The following USP45 variants were observed in gnomAD, a reference collection of about 807,000 sequenced individuals.
USP45 encodes ubiquitin carboxyl-terminal hydrolase 45.
In USP45, 89 loss-of-function variants were observed where a neutral mutation model predicts 95.8. The ratio of observed to expected loss-of-function variants is 0.93; its 90% CI spans 0.78 to 1.11. The LOEUF (loss-of-function observed/expected upper bound fraction) is 1.11, where lower values mean the gene tolerates loss of function less well. USP45 is among the 50% of genes least tolerant of loss of function. USP45 has a pLI of 0.00. For synonymous variants in USP45, 281 were observed against 316.2 expected (o/e 0.89, Z 1.18); for missense variants, 898 against 942.5 (o/e 0.95, Z 0.62).
chr6:99,511,488 G>T (rs929002645), intron 1 of USP45, among the ~76,000 whole-genome samples: 2 of 151,332 alleles, frequency 1.3e-5, no homozygotes, highest in Admixed American at 1.3e-4. Context: ...CACTCTGATG[G>T]CCCAGGCTGG....
At chr6:99,470,290 G>A (rs952212713) in intron 9 of USP45, among the ~76,000 whole-genome samples, 1 of 152,142 alleles carries the variant, frequency 6.6e-6, no homozygotes, top group Non-Finnish European at 1.5e-5. Flanking sequence ...GCCTGGATAA[G>A]CAGAAGACAC....
intron 17 of USP45, 87 bp downstream of exon 17, chr6:99,437,159 A>T: frequency 7.6e-7 from 1 of 1,309,586 alleles, no homozygotes; most frequent in Non-Finnish European, 1.1e-6. Flanking sequence ...CACTAGAGGC[A>T]TCTATGAAAT....
chr6:99,480,003 C>A (rs2128696685), intron 8 of USP45, among the ~76,000 whole-genome samples: 1 of 152,142 alleles, frequency 6.6e-6, no homozygotes, highest in East Asian at 1.9e-4. Context: ...ATAGGAAATA[C>A]CAACGAATCA....
chr6:99,437,197 G>A (rs2128521952), intron 17 of USP45, 49 bp downstream of exon 17: 1 of 1,543,734 alleles, frequency 6.5e-7, no homozygotes, highest in Non-Finnish European at 8.7e-7. Flanking sequence ...AGAAAAGGAA[G>A]CACATATTCG....
At chr6:99,504,808 G>A (rs1335185189) in intron 4 of USP45, among the ~76,000 whole-genome samples, 1 of 152,178 alleles carries the variant, frequency 6.6e-6, no homozygotes, top group Non-Finnish European at 1.5e-5. Context: ...ATTTAAGTGG[G>A]TAGAGGCCAG....
rs1205916983 is a variant in USP45 at position 99,482,827 on chromosome 6, C to T, written c.771G>A (p.Leu257=). The T allele has an allele frequency of 2.5e-6, 4 of 1,606,926 alleles. No individual in the cohort carries two copies. Among genetic ancestry groups the T allele is most frequent in the Non-Finnish European group, 3.4e-6 (4 of 1,176,264 alleles). Residue 257 remains leucine, a synonymous_variant, in exon 8 of 18, where the codon CTG becomes CTA. Transcript: ENST00000500704. The stretch of plus-strand genomic sequence containing the variant: ...CAGTCTCCTTCATGCTGTGAAGAAA[C>T]AGGAACAAGGCTGAGGTCAGTGGTC... ...RPGPLTSALF[L]FLHSMKETEK...
intron 1 of USP45, among the ~76,000 whole-genome samples, chr6:99,513,203 C>T (rs1309616081): frequency 6.6e-6 from 1 of 152,180 alleles, no homozygotes; most frequent in Non-Finnish European, 1.5e-5. Flanking sequence ...CCTAGATGAA[C>T]CCAATTAACC....
intron 13 of USP45, among the ~76,000 whole-genome samples, chr6:99,450,627 C>T (rs1464485478): frequency 6.6e-6 from 1 of 152,168 alleles, no homozygotes; most frequent in African/African-American, 2.4e-5. Flanking sequence ...TGGTACCATT[C>T]CTTCTGAAAC....
chr6:99,478,862 C>T (rs896983702), intron 8 of USP45, among the ~76,000 whole-genome samples: 1 of 152,112 alleles, frequency 6.6e-6, no homozygotes, highest in Admixed American at 6.5e-5. Context: ...ACCACTATAA[C>T]AGAAACTTCA....
chr6:99,449,119 G>A (rs570802736), intron 13 of USP45, among the ~76,000 whole-genome samples: 19 of 142,408 alleles, frequency 1.3e-4, no homozygotes, highest in African/African-American at 4.4e-4. Flanking sequence ...ATCAACTAAC[G>A]AGCAAAATAA....
chr6:99,503,409 C>A (rs563761139), intron 5 of USP45, among the ~76,000 whole-genome samples: 4 of 152,052 alleles, frequency 2.6e-5, no homozygotes, highest in African/African-American at 9.6e-5. Flanking sequence ...TCACTGCAAC[C>A]TCCGCCTCCC....
In USP45 at chr6:99,514,037, T is replaced by C. The variant is rs370231395; in HGVS notation, c.-11+1355A>G. 7.0e-4 allele frequency among the ~76,000 whole-genome samples: 106 copies of C among 152,296 alleles called. 1 individual carries two copies. The highest frequency in any genetic ancestry group is 2.3e-3 in the African/African-American group (97 of 41,572). On this transcript the variant is annotated intron_variant, in intron 1 of 17. Coordinates refer to ENST00000500704, the MANE Select transcript of USP45 (RefSeq NM_001346022.3). ...CGTAAAAAAACGGCACTTATATCCC[T>C]TACCTTTATACAAATTTACAAAACT...
intron 4 of USP45, among the ~76,000 whole-genome samples, chr6:99,504,973 A>AAAC (rs35062035): frequency 0.048 from 7,324 of 152,230 alleles, 231 homozygotes; most frequent in East Asian, 0.14. Context: ...AAAGCTGGAA[A>AAAC]AACAACAACA....
At position 99,465,266 on chromosome 6, in the gene USP45, T is replaced by C. The variant is rs146617470; in HGVS notation, c.1108-130A>G. 182 of 620,912 alleles carry C rather than the reference T, an allele frequency of 2.9e-4. 2 individuals are homozygous for C. The highest frequency in any genetic ancestry group is 2.7e-3 in the African/African-American group (147 of 54,842). 38.5% of individuals were successfully genotyped at this position (620,912 alleles called of 1,614,324 possible). ...CGTTAAAAACTGTTCCTGAAAAAAA[T>C]AGCAATTTAATTGGGTATTGCAGCA... is the stretch of plus-strand genomic sequence containing the variant. On this transcript the variant is annotated intron_variant, in intron 11 of 17. Transcript: ENST00000500704.
At chr6:99,462,195 A>G in intron 13 of USP45, 1 of 975,822 alleles carries the variant, frequency 1.0e-6, no homozygotes, top group South Asian at 4.7e-5. Context: ...AACAAAAAAT[A>G]TTATATGAAA....
At chr6:99,441,823 A>G (rs1253793587) in intron 15 of USP45, among the ~76,000 whole-genome samples, 1 of 152,150 alleles carries the variant, frequency 6.6e-6, no homozygotes, top group Non-Finnish European at 1.5e-5. Flanking sequence ...TTAGGGTCTG[A>G]TATTTTTCTT....
chr6:99,482,738 T>C lies in USP45; in HGVS notation c.845+15A>G, dbSNP rs377291624. ...GTAACTCATAATTATTTATATTAAA[T>C]GTAGATGCACCCACTTCTGACAAAG... On this transcript the variant is annotated intron_variant, in intron 8 of 17. Transcript: ENST00000500704. 2.5e-6 allele frequency: 4 copies of C among 1,579,332 alleles called. No homozygotes were observed. The highest frequency in any genetic ancestry group is 3.4e-6 in the Non-Finnish European group (4 of 1,167,192).
Position 99,478,367 on chromosome 6 carries a change from C to T in USP45, c.846-2137G>A, listed in dbSNP as rs572405153. On this transcript the variant is annotated intron_variant, in intron 8 of 17. Transcript: ENST00000500704. ...TTAAAGGATTAAAAGATAAAAATCA[C>T]CAAACATATGAAAATATTCAGCCTA... Among the ~76,000 whole-genome samples, 10 of 151,644 alleles carry T rather than the reference C, an allele frequency of 6.6e-5. No individual in the cohort carries two copies. The South Asian group carries it at 2.1e-3, about 32-fold the overall frequency.
chr6:99,508,623 T>A lies in USP45; in HGVS notation c.260A>T (p.Lys87Met). Residue 87 changes from lysine (K) to methionine (M), a missense_variant, in exon 3 of 18, where the codon AAG (lysine) becomes ATG (methionine). Physicochemically the swap from Lys to Met is moderately conservative, Grantham distance 95 (BLOSUM62 -1). Coordinates refer to ENST00000500704, the MANE Select transcript of USP45 (RefSeq NM_001346022.3). ...TACTTTTCTTACCTGGAAGCCACAC[T>A]TGAGGCACAACCAAATATCAGAAGT... ...VLTSDIWLCL[K>M]CGFQGCGKNS... 6.2e-7 allele frequency: 1 copy of A among 1,612,136 alleles called. No homozygotes were observed. The highest frequency in any genetic ancestry group is 8.5e-7 in the Non-Finnish European group (1 of 1,179,584).
Sources: allele counts gnomAD v4.1 joint callset (sites outside exome capture counted in the v4.1 genomes callset), GRCh38; gene constraint gnomAD v4.1.1; transcripts MANE v1.5; gene names NCBI Gene and HGNC (gene_info 2026-07-23, HGNC 2026-07-21).